The following MTMR6 variants were observed in gnomAD, a reference collection of about 807,000 sequenced individuals.
MTMR6 encodes phosphatidylinositol-3,5-bisphosphate 3-phosphatase MTMR6.
MTMR6 carries 47 observed loss-of-function variants against 80.1 expected under a neutral mutation model. The observed-to-expected ratio is 0.59, with a 90% CI of 0.46 to 0.75. The LOEUF is 0.75. Among genes scored for constraint, MTMR6 ranks in the 30% least tolerant of loss-of-function variants. MTMR6 has a pLI of 0.00. For synonymous variants in MTMR6, 254 were observed against 253.0 expected, an observed-to-expected ratio of 1.00 and a Z score of -0.04; for missense variants, 629 against 730.9, an observed-to-expected ratio of 0.86 and a Z score of 1.61.
At chr13:25,262,650 A>G (rs887862122) in intron 5 of MTMR6, among the ~76,000 whole-genome samples, 1 of 152,222 alleles carries the variant, frequency 6.6e-6, no homozygotes. Context: ...TACAGGCATA[A>G]GCCATCATGC....
At chr13:25,262,711 C>T (rs998045597) in intron 5 of MTMR6, among the ~76,000 whole-genome samples, 1 of 152,174 alleles carries the variant, frequency 6.6e-6, no homozygotes. Flanking sequence ...AGATTTAGAT[C>T]CATATACTTT....
At chr13:25,256,636 A>G (rs936644925) in intron 9 of MTMR6, among the ~76,000 whole-genome samples, 1 of 152,026 alleles carries the variant, frequency 6.6e-6, no homozygotes, top group Non-Finnish European at 1.5e-5. Flanking sequence ...GCAAAGAAAC[A>G]AAAAAAAGGA....
intron 5 of MTMR6, among the ~76,000 whole-genome samples, chr13:25,262,155 A>C (rs1270030693): frequency 6.6e-6 from 1 of 152,234 alleles, no homozygotes; most frequent in Admixed American, 6.5e-5. Flanking sequence ...GTAAAAGATT[A>C]GTCAATAAAA....
At position 25,287,405 on chromosome 13, in the gene MTMR6, G is replaced by A. The variant is rs1399235214; in HGVS notation, c.-158C>T. 9.0e-6 allele frequency: 8 copies of A among 887,138 alleles called. No homozygotes were observed. Among genetic ancestry groups the A allele is most frequent in the Non-Finnish European group, 1.4e-5 (8 of 569,056 alleles). The allele number at this position is 887,138 out of a possible 1,614,324, so 55.0% of individuals were successfully genotyped here. On this transcript the variant is annotated 5_prime_UTR_variant, in exon 1 of 14. Coordinates refer to ENST00000381801, the MANE Select transcript of MTMR6 (RefSeq NM_004685.5). ...CGGTGGCGTCAACGGCGCAGGTGCAGCCGGTGAGCGCCGTCTCCTAGAAAC... is the reference window on the plus strand; with the variant it reads ...CGGTGGCGTCAACGGCGCAGGTGCAACCGGTGAGCGCCGTCTCCTAGAAAC...
chr13:25,266,615 T>C (rs1444571656), intron 3 of MTMR6, among the ~76,000 whole-genome samples: 4 of 152,044 alleles, frequency 2.6e-5, no homozygotes, highest in African/African-American at 9.7e-5. Flanking sequence ...CTAATCACTT[T>C]CCCAAATGAG....
chr13:25,252,255 T>A (rs768259085), intron 11 of MTMR6, among the ~76,000 whole-genome samples: 1 of 152,182 alleles, frequency 6.6e-6, no homozygotes, highest in Non-Finnish European at 1.5e-5. Flanking sequence ...TCCTCTCAAC[T>A]CACACAATTT....
intron 5 of MTMR6, among the ~76,000 whole-genome samples, chr13:25,265,432 T>A (rs185577810): frequency 6.6e-6 from 1 of 152,318 alleles, no homozygotes; most frequent in Admixed American, 6.5e-5. Context: ...CCATTAGCAA[T>A]CTTTTAATGT....
intron 1 of MTMR6, among the ~76,000 whole-genome samples, chr13:25,282,281 C>A (rs984550422): frequency 3.3e-5 from 5 of 152,204 alleles, no homozygotes; most frequent in African/African-American, 1.2e-4. Context: ...CTCCCTTAAA[C>A]CCCCTCCTCA....
chr13:25,258,532 G>A (rs746324328), intron 7 of MTMR6, 28 bp downstream of exon 7: 2 of 1,556,036 alleles, frequency 1.3e-6, no homozygotes, highest in Non-Finnish European at 1.7e-6. Context: ...TTGGACAAGG[G>A]TGTCTAAAAA....
Position 25,246,347 on chromosome 13 carries a change from A to G in MTMR6, c.*2885T>C, listed in dbSNP as rs1425131160. On this transcript the variant is annotated 3_prime_UTR_variant, in exon 14 of 14. Transcript: ENST00000381801. Reference sequence around the variant, plus strand: ...TTCTAGATTCCAGGCTTTCTTCTAGATGTAAGTTCCTAAAGCTTATAGTTT... The same window carrying G: ...TTCTAGATTCCAGGCTTTCTTCTAGGTGTAAGTTCCTAAAGCTTATAGTTT... 1 of 152,606 alleles carries G rather than the reference A, an allele frequency of 6.6e-6. No homozygotes were observed. The highest frequency in any genetic ancestry group is 1.5e-5 in the Non-Finnish European group (1 of 68,046). 9.5% of individuals were successfully genotyped at this position (152,606 alleles called of 1,614,324 possible).
chr13:25,260,418 G>A (rs969539330), intron 6 of MTMR6, among the ~76,000 whole-genome samples: 4 of 152,062 alleles, frequency 2.6e-5, no homozygotes, highest in Admixed American at 6.6e-5. Context: ...TCCACCCGCC[G>A]TGGCCTCCCA....
In MTMR6 at chr13:25,251,836, C is replaced by G; in HGVS notation, c.1478+17G>C. On this transcript the variant is annotated intron_variant, in intron 12 of 13. Transcript: ENST00000381801. This position sits in a 1 kb window ranked among gnomAD's most constrained non-coding sequence, Gnocchi z 4.1. ...TGAGAAAATTCAAGTATAAATACTC[C>G]AATGATGTCAACTTACTTAAAATTG... 3.7e-6 allele frequency: 6 copies of G among 1,602,840 alleles called. No homozygotes were observed. In the South Asian group the frequency reaches 4.5e-5, roughly 12 times the overall value.
intron 9 of MTMR6, among the ~76,000 whole-genome samples, chr13:25,256,433 A>T (rs1250100732): frequency 1.3e-5 from 2 of 152,210 alleles, no homozygotes; most frequent in East Asian, 3.9e-4. Context: ...AGCGGTGCTG[A>T]AAAGGGACTG....
intron 6 of MTMR6, chr13:25,260,686 C>T (rs1026667023): frequency 2.9e-5 from 36 of 1,256,034 alleles, no homozygotes; most frequent in South Asian, 1.1e-4. Flanking sequence ...CTGCATGCGA[C>T]GCTATAACAA....
chr13:25,259,083 G>A (rs141987233), intron 6 of MTMR6, among the ~76,000 whole-genome samples: 74 of 152,298 alleles, frequency 4.9e-4, no homozygotes, highest in South Asian at 2.7e-3. Flanking sequence ...ATGAACCTAT[G>A]AGTTTACTTC....
At chr13:25,265,618 A>G (rs1248009767) in intron 5 of MTMR6, among the ~76,000 whole-genome samples, 1 of 151,976 alleles carries the variant, frequency 6.6e-6, no homozygotes, top group Non-Finnish European at 1.5e-5. Context: ...CTGCAGTCCC[A>G]GGTGCTCGGG....
Position 25,251,841 on chromosome 13 carries a change from A to C in MTMR6, c.1478+12T>G. On this transcript the variant is annotated intron_variant, in intron 12 of 13. Coordinates refer to ENST00000381801, the MANE Select transcript of MTMR6 (RefSeq NM_004685.5). The surrounding 1 kb of genome is among the most constrained non-coding windows in gnomAD (Gnocchi z 4.1). ...AAATTCAAGTATAAATACTCCAATG[A>C]TGTCAACTTACTTAAAATTGAAAGA... is the stretch of plus-strand genomic sequence containing the variant. 1 of 1,604,036 alleles carries C rather than the reference A, an allele frequency of 6.2e-7. No homozygotes were observed.
chr13:25,271,364 C>T (rs1310878316), intron 2 of MTMR6, among the ~76,000 whole-genome samples: 4 of 152,118 alleles, frequency 2.6e-5, no homozygotes, highest in African/African-American at 9.7e-5. Flanking sequence ...TTACTTACAG[C>T]CAAAAGCACC....
At chr13:25,260,763 G>T in intron 6 of MTMR6, 2 of 638,056 alleles carry the variant, frequency 3.1e-6, no homozygotes, top group Non-Finnish European at 4.3e-6. Flanking sequence ...GATCCTATAT[G>T]AACTGGTTGT....
Sources: allele counts gnomAD v4.1 joint callset (sites outside exome capture counted in the v4.1 genomes callset), GRCh38; gene constraint gnomAD v4.1.1; non-coding constraint Gnocchi (gnomAD v3.1); transcripts MANE v1.5; gene names NCBI Gene and HGNC (gene_info 2026-07-23, HGNC 2026-07-21).